RNF24: variants seen among roughly 807,000 people sequenced by gnomAD.
RNF24 encodes ring finger protein 24.
RNF24 carries 14 observed loss-of-function variants against 20.0 expected under a neutral mutation model. That is an observed-to-expected ratio of 0.70 (90% CI 0.46 to 1.10). The LOEUF is 1.10. Ranked by LOEUF, RNF24 falls within the 50% of genes least tolerant of loss-of-function variation. RNF24 has a pLI of 0.00. For missense variants in RNF24, 124 were observed against 177.6 expected, an observed-to-expected ratio of 0.70 and a Z score of 1.71; for synonymous variants, 45 against 61.1, an observed-to-expected ratio of 0.74 and a Z score of 1.23.
chr20:3,997,229 C>CAAAAAA (rs1227396478), intron 1 of RNF24, among the ~76,000 whole-genome samples: 3 of 51,220 alleles, frequency 5.9e-5, no homozygotes, highest in East Asian at 6.6e-4. Flanking sequence ...GACTCCATCT[C>CAAAAAA]AAAAAAAAAA....
At chr20:3,974,037 C>T (rs1031051291) in intron 1 of RNF24, among the ~76,000 whole-genome samples, 1 of 150,008 alleles carries the variant, frequency 6.7e-6, no homozygotes, top group Non-Finnish European at 1.5e-5. Context: ...AAGGTTTATT[C>T]AAGAGATGCG....
At chr20:3,960,650 G>A (rs564309763) in intron 2 of RNF24, among the ~76,000 whole-genome samples, 1 of 152,058 alleles carries the variant, frequency 6.6e-6, no homozygotes, top group Non-Finnish European at 1.5e-5. Flanking sequence ...CCTGGTGACA[G>A]AGCAAGACTC....
intron 2 of RNF24, among the ~76,000 whole-genome samples, chr20:3,960,994 TGTTGGCCAGGCTG>T (rs1441042700): frequency 6.6e-6 from 1 of 152,010 alleles, no homozygotes; most frequent in Non-Finnish European, 1.5e-5. Flanking sequence ...GTGTTTCACT[TGTTGGCCAGGCTG>T]GTCTTGAACT....
At chr20:3,990,526 T>C (rs1006701613) in intron 1 of RNF24, among the ~76,000 whole-genome samples, 3 of 152,172 alleles carry the variant, frequency 2.0e-5, no homozygotes, top group Non-Finnish European at 4.4e-5. Flanking sequence ...GGTTAAGTCA[T>C]AGAATATCAT....
intron 1 of RNF24, among the ~76,000 whole-genome samples, chr20:3,991,217 T>C (rs1302523822): frequency 1.3e-5 from 2 of 151,138 alleles, no homozygotes; most frequent in African/African-American, 4.9e-5. Flanking sequence ...TGGAAGAAGC[T>C]ATTTTTATTT....
At chr20:3,936,101 T>C (rs2090888295) in intron 4 of RNF24, among the ~76,000 whole-genome samples, 1 of 152,228 alleles carries the variant, frequency 6.6e-6, no homozygotes, top group South Asian at 2.1e-4. Context: ...AGGCAGGACA[T>C]GTGGCTCTTG....
In RNF24 at chr20:3,933,868, T is replaced by G. The variant is rs1460080415; in HGVS notation, c.*195A>C. The G allele has an allele frequency of 2.4e-6, 1 of 416,532 alleles. No individual in the cohort carries two copies. 25.8% of individuals were successfully genotyped at this position (416,532 alleles called of 1,614,324 possible). Reference sequence around the variant, plus strand: ...CCACTCCTCTTCTCTCGGCAGGGGGTAGTGTCAAAGTGCTTTGGTTGTCAC... The same window carrying G: ...CCACTCCTCTTCTCTCGGCAGGGGGGAGTGTCAAAGTGCTTTGGTTGTCAC... On this transcript the variant is annotated 3_prime_UTR_variant, in exon 6 of 6. Transcript: ENST00000358395.
intron 1 of RNF24, among the ~76,000 whole-genome samples, chr20:4,014,271 A>AT (rs1982697044): frequency 6.6e-6 from 1 of 152,250 alleles, no homozygotes; most frequent in Admixed American, 6.5e-5. Context: ...GGGAAAAAAA[A>AT]GCAAGGAGGT....
Position 4,012,426 on chromosome 20 carries a change from A to C in RNF24, c.-8+3011T>G, listed in dbSNP as rs184922617. Among the ~76,000 whole-genome samples, 182 of 150,810 alleles carry C rather than the reference A, an allele frequency of 1.2e-3. 1 individual carries two copies. Among genetic ancestry groups the C allele is most frequent in the Non-Finnish European group, 2.3e-3 (152 of 67,340 alleles). ...GGTGAGACTCCATCTCAAAAAAAAA[A>C]AACAACAAAACACCCAAAAAACAAA... On this transcript the variant is annotated intron_variant, in intron 1 of 5. Transcript: ENST00000358395.
chr20:3,984,719 C>T (rs1281729468), intron 1 of RNF24, among the ~76,000 whole-genome samples: 4 of 152,112 alleles, frequency 2.6e-5, no homozygotes, highest in Non-Finnish European at 1.5e-5. Flanking sequence ...AGAGTATCTT[C>T]TCTCTATTGT....
At chr20:3,954,812 T>C (rs967665052) in intron 2 of RNF24, among the ~76,000 whole-genome samples, 2 of 151,826 alleles carry the variant, frequency 1.3e-5, no homozygotes, top group Non-Finnish European at 2.9e-5. Context: ...GGCAGGAGAA[T>C]TGCATGAACC....
chr20:4,014,739 G>GCGCGCACACA (rs1555804206), intron 1 of RNF24, among the ~76,000 whole-genome samples: 3 of 143,670 alleles, frequency 2.1e-5, no homozygotes, highest in African/African-American at 7.7e-5. Context: ...ACTTGAATGC[G>GCGCGCACACA]CACACACACA....
rs552303825 is a variant in RNF24, at chr20:3,968,834, A to T, written c.-7-4810T>A. Reference sequence around the variant, plus strand: ...GGTTCTAGAGAGAATTATTTTAAAAATAAGACCTATATTTGGACAGATCCT... The same window carrying T: ...GGTTCTAGAGAGAATTATTTTAAAATTAAGACCTATATTTGGACAGATCCT... On this transcript the variant is annotated intron_variant, in intron 1 of 5. Transcript: ENST00000358395. 3.3e-5 allele frequency among the ~76,000 whole-genome samples: 5 copies of T among 152,340 alleles called. No homozygotes were observed. In the South Asian group the frequency reaches 1.0e-3, roughly 32 times the overall value.
chr20:3,972,818 G>A (rs989683671), intron 1 of RNF24, among the ~76,000 whole-genome samples: 2 of 152,018 alleles, frequency 1.3e-5, no homozygotes, highest in Admixed American at 6.6e-5. Context: ...CACGAGGATC[G>A]CTTGAATCCT....
intron 4 of RNF24, among the ~76,000 whole-genome samples, chr20:3,935,338 G>C (rs1018058398): frequency 3.3e-5 from 5 of 152,214 alleles, no homozygotes; most frequent in African/African-American, 1.2e-4. Context: ...TTACTTCAGT[G>C]CATCAGAAGT....
intron 1 of RNF24, among the ~76,000 whole-genome samples, chr20:4,014,490 G>A (rs1316413961): frequency 6.6e-6 from 1 of 152,164 alleles, no homozygotes; most frequent in East Asian, 1.9e-4. Flanking sequence ...AGACAGACAT[G>A]AGAATCTTAC....
chr20:4,007,667 G>A (rs1052182138), intron 1 of RNF24, among the ~76,000 whole-genome samples: 2 of 150,586 alleles, frequency 1.3e-5, no homozygotes, highest in African/African-American at 4.9e-5. Flanking sequence ...CACTTTGGGA[G>A]GTGCTGGTAG....
chr20:4,006,230 G>A (rs1159894142), intron 1 of RNF24, among the ~76,000 whole-genome samples: 1 of 152,130 alleles, frequency 6.6e-6, no homozygotes, highest in Admixed American at 6.5e-5. Context: ...TTAGCTGAGT[G>A]TGGTGGCGCA....
chr20:3,944,595 T>A (rs1179650518), intron 4 of RNF24, among the ~76,000 whole-genome samples: 1 of 152,092 alleles, frequency 6.6e-6, no homozygotes, highest in Non-Finnish European at 1.5e-5. Flanking sequence ...ACACAAGAAA[T>A]AGAATGAAAA....
Sources: gnomAD v4.1 joint callset for allele counts (sites outside exome capture counted in the v4.1 genomes callset) on GRCh38, gnomAD v4.1.1 for gene constraint, MANE v1.5 for transcripts, NCBI Gene and HGNC (gene_info 2026-07-23, HGNC 2026-07-21) for gene names.